CSTF3: variants seen among roughly 807,000 people sequenced by gnomAD.
CSTF3 encodes CF-1 77 kDa subunit.
Under a neutral mutation model 105.8 loss-of-function variants are expected in CSTF3, and 29 were observed. The observed-to-expected ratio is 0.27, with a 90% CI of 0.20 to 0.37. The LOEUF is 0.37. CSTF3 is among the 10% of genes least tolerant of loss of function. CSTF3 has a pLI of 1.00. For synonymous variants in CSTF3, 252 were observed against 281.9 expected, an observed-to-expected ratio of 0.89 and a Z score of 1.06; for missense variants, 357 against 879.3, an observed-to-expected ratio of 0.41 and a Z score of 7.51.
chr11:33,146,607 G>A (rs957012847), intron 1 of CSTF3, among the ~76,000 whole-genome samples: 37 of 117,928 alleles, frequency 3.1e-4, no homozygotes, highest in African/African-American at 1.1e-3. Context: ...AATAAATTAT[G>A]GAATTTGTAG....
intron 3 of CSTF3, among the ~76,000 whole-genome samples, chr11:33,120,517 T>C (rs1333134946): frequency 1.3e-5 from 2 of 151,926 alleles, no homozygotes; most frequent in Non-Finnish European, 3.0e-5. Flanking sequence ...TTCATTATGC[T>C]TGCCTTTTAA....
intron 20 of CSTF3, 96 bp from the exon 21 acceptor site, chr11:33,085,385 T>C (rs1367971837): frequency 2.0e-6 from 2 of 1,016,300 alleles, no homozygotes; most frequent in East Asian, 5.1e-5. Context: ...CCTACTATTT[T>C]AGCAAAACAT....
At chr11:33,127,399 A>G (rs1855554104) in intron 3 of CSTF3, among the ~76,000 whole-genome samples, 2 of 152,208 alleles carry the variant, frequency 1.3e-5, no homozygotes, top group South Asian at 4.1e-4. Flanking sequence ...TCAGTGATCA[A>G]AGTTCCATTA....
At chr11:33,120,559 T>C (rs1184878483) in intron 3 of CSTF3, among the ~76,000 whole-genome samples, 1 of 151,922 alleles carries the variant, frequency 6.6e-6, no homozygotes, top group Non-Finnish European at 1.5e-5. Context: ...AAATATTATT[T>C]GTGCATGTAT....
intron 3 of CSTF3, among the ~76,000 whole-genome samples, chr11:33,137,109 G>A (rs750319247): frequency 3.3e-5 from 5 of 151,712 alleles, no homozygotes; most frequent in Non-Finnish European, 5.9e-5. Flanking sequence ...AGTTTAAAAC[G>A]TAAGAGTCTT....
At chr11:33,096,199 G>C in intron 15 of CSTF3, 107 bp downstream of exon 15, 2 of 706,828 alleles carry the variant, frequency 2.8e-6, no homozygotes, top group Non-Finnish European at 4.4e-6. Context: ...ACAAGTGCCT[G>C]TCTGCTATGT....
At chr11:33,139,619 C>G (rs1407819947) in intron 3 of CSTF3, among the ~76,000 whole-genome samples, 2 of 151,824 alleles carry the variant, frequency 1.3e-5, no homozygotes, top group Non-Finnish European at 2.9e-5. Flanking sequence ...TCAGGATATG[C>G]ATTTCTAAAA....
At chr11:33,127,065 G>C (rs1013415982) in intron 3 of CSTF3, among the ~76,000 whole-genome samples, 1 of 152,168 alleles carries the variant, frequency 6.6e-6, no homozygotes, top group African/African-American at 2.4e-5. Flanking sequence ...ACAGATAAAA[G>C]AGCTAATGTA....
chr11:33,142,915 G>A (rs1414005003), intron 1 of CSTF3, among the ~76,000 whole-genome samples: 1 of 152,160 alleles, frequency 6.6e-6, no homozygotes, highest in Non-Finnish European at 1.5e-5. Flanking sequence ...ATGCCCGTGA[G>A]AGATTAGGAG....
intron 3 of CSTF3, among the ~76,000 whole-genome samples, chr11:33,129,612 A>G (rs555753474): frequency 6.6e-6 from 1 of 152,204 alleles, no homozygotes; most frequent in African/African-American, 2.4e-5. Flanking sequence ...CATTCTACTA[A>G]AAGGCCACAA....
intron 3 of CSTF3, among the ~76,000 whole-genome samples, chr11:33,132,453 G>A (rs539587199): frequency 1.4e-4 from 21 of 151,990 alleles, no homozygotes; most frequent in African/African-American, 4.8e-4. Flanking sequence ...TCTCAAACTC[G>A]TGGGGCTCAG....
At chr11:33,125,334 T>A (rs937461154) in intron 3 of CSTF3, among the ~76,000 whole-genome samples, 1 of 152,210 alleles carries the variant, frequency 6.6e-6, no homozygotes, top group East Asian at 1.9e-4. Flanking sequence ...TTTCCTTATA[T>A]GCTTATTTTT....
At chr11:33,138,426 T>A (rs1855677450) in intron 3 of CSTF3, among the ~76,000 whole-genome samples, 3 of 151,830 alleles carry the variant, frequency 2.0e-5, no homozygotes, top group Admixed American at 2.0e-4. Context: ...AATTTTGTGA[T>A]TATTTAGTGA....
chr11:33,113,033 C>A (rs1475653021), intron 3 of CSTF3, among the ~76,000 whole-genome samples: 1 of 151,822 alleles, frequency 6.6e-6, no homozygotes, highest in African/African-American at 2.4e-5. Context: ...CATAGTGAAA[C>A]CCCGTCTCTA....
intron 1 of CSTF3, among the ~76,000 whole-genome samples, chr11:33,153,921 C>T (rs1462934591): frequency 1.3e-5 from 2 of 151,970 alleles, no homozygotes; most frequent in Non-Finnish European, 2.9e-5. Flanking sequence ...ACAGAAAAAG[C>T]AGAGTTGAGC....
chr11:33,096,273 A>T, intron 15 of CSTF3, 33 bp downstream of exon 15: 1 of 1,316,462 alleles, frequency 7.6e-7, no homozygotes, highest in South Asian at 1.4e-5. Flanking sequence ...GTTTAATATT[A>T]AGTAATCATT....
chr11:33,148,059 G>A (rs1374405166), intron 1 of CSTF3, among the ~76,000 whole-genome samples: 4 of 152,152 alleles, frequency 2.6e-5, no homozygotes, highest in Admixed American at 2.0e-4. Flanking sequence ...AGTGTTCATA[G>A]ATATTCTGGA....
At chr11:33,158,771 G>A (rs1440150268) in intron 1 of CSTF3, among the ~76,000 whole-genome samples, 1 of 152,086 alleles carries the variant, frequency 6.6e-6, no homozygotes, top group Non-Finnish European at 1.5e-5. Context: ...AAAGTTTTCA[G>A]GAAATACAGA....
intron 3 of CSTF3, among the ~76,000 whole-genome samples, chr11:33,130,346 G>A (rs1221902848): frequency 2.6e-5 from 4 of 152,004 alleles, no homozygotes; most frequent in African/African-American, 4.8e-5. Context: ...GGTGATGGGC[G>A]CCTGTAATCC....
Sources: allele counts gnomAD v4.1 joint callset (sites outside exome capture counted in the v4.1 genomes callset), GRCh38; gene constraint gnomAD v4.1.1; transcripts MANE v1.5; gene names NCBI Gene and HGNC (gene_info 2026-07-23, HGNC 2026-07-21).